The following DPP6 variants were observed in gnomAD, a reference collection of about 807,000 sequenced individuals.
DPP6 encodes the protein A-type potassium channel modulatory protein DPP6.
DPP6 carries 69 observed loss-of-function variants against 122.6 expected under a neutral mutation model. The observed-to-expected ratio is 0.56, with a 90% CI of 0.46 to 0.69. The LOEUF (loss-of-function observed/expected upper bound fraction) is 0.69. Ranked by LOEUF, DPP6 falls within the 30% of genes least tolerant of loss-of-function variation. DPP6 has a pLI of 0.00. For synonymous variants in DPP6, 418 were observed against 433.1 expected (o/e 0.97, Z 0.43); for missense variants, 928 against 1,116.9 (o/e 0.83, Z 2.41).
At chr7:154,654,251 G>C (rs964196604) in intron 6 of DPP6, among the ~76,000 whole-genome samples, 4 of 151,918 alleles carry the variant, frequency 2.6e-5, no homozygotes. Flanking sequence ...TACCAAGGAT[G>C]ACTGTGCTCA....
chr7:154,028,292 C>T (rs1585198391), intron 1 of DPP6, among the ~76,000 whole-genome samples: 1 of 152,112 alleles, frequency 6.6e-6, no homozygotes, highest in South Asian at 2.1e-4. Flanking sequence ...GCATCACTTT[C>T]CTTGTCTGGC....
intron 6 of DPP6, among the ~76,000 whole-genome samples, chr7:154,666,739 A>G (rs1838193847): frequency 6.6e-6 from 1 of 152,230 alleles, no homozygotes; most frequent in Non-Finnish European, 1.5e-5. Flanking sequence ...ATGTACCGTC[A>G]TTTATTCAAC....
chr7:153,853,766 T>C, the DPP6 span, among the ~76,000 whole-genome samples: 3 of 152,192 alleles, frequency 2.0e-5, no homozygotes, highest in Non-Finnish European at 4.4e-5. Context: ...TTTAAAAAAA[T>C]AGTTATTCTT....
intron 1 of DPP6, among the ~76,000 whole-genome samples, chr7:153,919,597 T>C (rs1262664286): frequency 1.3e-5 from 2 of 152,204 alleles, no homozygotes; most frequent in Non-Finnish European, 2.9e-5. Context: ...AAAGTACACG[T>C]TAATCCAAGA....
chr7:153,754,943 TGAG>T, the DPP6 span, among the ~76,000 whole-genome samples: 1 of 152,110 alleles, frequency 6.6e-6, no homozygotes, highest in Non-Finnish European at 1.5e-5. Context: ...GTTTAATAAA[TGAG>T]GAGTCTTCTT....
intron 1 of DPP6, among the ~76,000 whole-genome samples, chr7:154,182,131 G>A (rs1798121670): frequency 6.6e-6 from 1 of 152,152 alleles, no homozygotes; most frequent in African/African-American, 2.4e-5. Flanking sequence ...TCCTGCTTGG[G>A]TTTAGGAGGA....
intron 16 of DPP6, among the ~76,000 whole-genome samples, chr7:154,823,086 T>C (rs6966114): frequency 0.79 from 120,220 of 152,218 alleles, 47,624 homozygotes; most frequent in Non-Finnish European, 0.82. Context: ...TTAATACACA[T>C]GCCATTTTTA....
intron 18 of DPP6, among the ~76,000 whole-genome samples, chr7:154,870,781 G>A (rs1235435394): frequency 6.6e-6 from 1 of 152,000 alleles, no homozygotes; most frequent in Non-Finnish European, 1.5e-5. Context: ...TGGCCAACAT[G>A]GTGAAACTCT....
the DPP6 span, among the ~76,000 whole-genome samples, chr7:153,829,870 C>T: frequency 6.6e-6 from 1 of 152,166 alleles, no homozygotes; most frequent in Non-Finnish European, 1.5e-5. Context: ...GCATAGACAG[C>T]GGCCACCCCT....
intron 1 of DPP6, among the ~76,000 whole-genome samples, chr7:154,085,005 A>AC (rs1238659002): frequency 4.6e-5 from 7 of 151,774 alleles, no homozygotes; most frequent in African/African-American, 1.2e-4. Context: ...AAAAAAAAAA[A>AC]AAAAAACAGG....
intron 22 of DPP6, 70 bp downstream of exon 22, chr7:154,885,814 C>A: frequency 6.5e-7 from 1 of 1,534,034 alleles, no homozygotes; most frequent in Non-Finnish European, 8.8e-7. Flanking sequence ...CTGCGTGGCC[C>A]CACAGCCCTC....
intron 5 of DPP6, 74 bp from the exon 6 acceptor site, chr7:154,637,747 A>T (rs1049878664): frequency 6.8e-7 from 1 of 1,465,222 alleles, no homozygotes; most frequent in African/African-American, 1.4e-5. Context: ...GTTAGGATTC[A>T]CAGTGATTTG....
At chr7:154,170,298 T>C (rs1463763565) in intron 1 of DPP6, among the ~76,000 whole-genome samples, 2 of 152,248 alleles carry the variant, frequency 1.3e-5, no homozygotes, top group East Asian at 3.9e-4. Context: ...AGGCCCTACC[T>C]CCTGAAACTC....
intron 6 of DPP6, among the ~76,000 whole-genome samples, chr7:154,668,995 G>T (rs776292800): frequency 3.3e-5 from 5 of 152,140 alleles, no homozygotes; most frequent in Non-Finnish European, 5.9e-5. Context: ...AACCAAAGAT[G>T]GAGATACAAA....
rs146230539 is a variant in DPP6 at position 154,562,131 on chromosome 7, G to T, written c.553-4711G>T. Reference sequence around the variant, plus strand: ...TACCCTGAAATAAAAACCAAACAAAGAAGTTAAAAGAAAATAAAACCACAG... The same window carrying T: ...TACCCTGAAATAAAAACCAAACAAATAAGTTAAAAGAAAATAAAACCACAG... On this transcript the variant is annotated intron_variant, in intron 4 of 25. Transcript: ENST00000377770. Among the ~76,000 whole-genome samples the T allele has an allele frequency of 1.2e-3, 187 of 152,064 alleles. 1 individual carries two copies. The highest frequency in any genetic ancestry group is 4.4e-3 in the African/African-American group (181 of 41,500).
At chr7:154,670,717 A>T (rs752753262) in intron 7 of DPP6, among the ~76,000 whole-genome samples, 7 of 152,168 alleles carry the variant, frequency 4.6e-5, no homozygotes, top group Non-Finnish European at 8.8e-5. Context: ...ACAAAAAATG[A>T]TCGTATCTAA....
At chr7:154,571,328 G>T (rs1831096813) in intron 5 of DPP6, among the ~76,000 whole-genome samples, 2 of 151,992 alleles carry the variant, frequency 1.3e-5, no homozygotes, top group Non-Finnish European at 2.9e-5. Context: ...CATTATCTAA[G>T]ATCATTTAAA....
At chr7:154,559,204 A>C (rs2130457969) in intron 4 of DPP6, among the ~76,000 whole-genome samples, 1 of 149,818 alleles carries the variant, frequency 6.7e-6, no homozygotes, top group East Asian at 2.1e-4. Context: ...TAAGACACCC[A>C]GATAAAATTT....
chr7:153,971,009 A>G (rs537140566), intron 1 of DPP6, among the ~76,000 whole-genome samples: 2 of 152,310 alleles, frequency 1.3e-5, no homozygotes, highest in African/African-American at 4.8e-5. Context: ...AAGTTTGACG[A>G]TTTCTGCAGA....
Sources: gnomAD v4.1 joint callset for allele counts (sites outside exome capture counted in the v4.1 genomes callset) on GRCh38, gnomAD v4.1.1 for gene constraint, MANE v1.5 for transcripts, NCBI Gene and HGNC (gene_info 2026-07-23, HGNC 2026-07-21) for gene names.